The following FTCD variants were observed in gnomAD, a reference collection of about 807,000 sequenced individuals.
FTCD encodes formimidoyltransferase-cyclodeaminase.
FTCD carries 76 observed loss-of-function variants against 62.9 expected under a neutral mutation model. That is an observed-to-expected ratio of 1.21 (90% confidence interval 1.00 to 1.46). The LOEUF is 1.46. FTCD is among the 40% of genes most tolerant of loss of function. The pLI, the probability that FTCD is intolerant of heterozygous loss-of-function variation, is 0.00. For missense variants in FTCD, 845 were observed against 751.3 expected, an observed-to-expected ratio of 1.12 and a Z score of -1.46; for synonymous variants, 397 against 336.9, an observed-to-expected ratio of 1.18 and a Z score of -1.95.
At position 46,151,601 on chromosome 21, in the gene FTCD, C is replaced by T. The variant is rs142358848; in HGVS notation, c.593G>A (p.Arg198His). Residue 198 changes from arginine (R) to histidine (H), a missense_variant, in exon 5 of 14, where the codon CGC (arginine) becomes CAC (histidine). Coordinates refer to ENST00000397746, the MANE Select transcript of FTCD (RefSeq NM_206965.2). Reference protein sequence around the residue: ...NLLGTKEQAHRIALNLREQGR... With the variant: ...NLLGTKEQAHHIALNLREQGR... ...CTGCTCCCGCAGGTTGAGCGCGATGCGGTGGGCTTGCTCCTTTGTGCCGAG... is the reference window on the plus strand; with the variant it reads ...CTGCTCCCGCAGGTTGAGCGCGATGTGGTGGGCTTGCTCCTTTGTGCCGAG... 129 of 1,613,006 alleles carry T rather than the reference C, an allele frequency of 8.0e-5. No homozygotes were observed. Among genetic ancestry groups the T allele is most frequent in the East Asian group, 3.1e-4 (14 of 44,878 alleles).
At chr21:46,137,778 G>A (rs113906941) in intron 12 of FTCD, among the ~76,000 whole-genome samples, 43 of 152,170 alleles carry the variant, frequency 2.8e-4, no homozygotes, top group African/African-American at 1.0e-3. Flanking sequence ...GAGGTCTTAG[G>A]GCAGCTGCAG....
rs537548094 is a variant in FTCD at position 46,140,960 on chromosome 21, A to G, written c.1261-2037T>C. 1.1e-4 allele frequency among the ~76,000 whole-genome samples: 15 copies of G among 142,820 alleles called. No individual in the cohort carries two copies. In the South Asian group the frequency reaches 3.4e-3, roughly 32 times the overall value. The allele number at this position is 142,820 out of a possible 152,430, so 93.7% of individuals were successfully genotyped here. On this transcript the variant is annotated intron_variant, in intron 10 of 13. Transcript: ENST00000397746. ...ACAGGGAGCGTAAACCAATCCACTG[A>G]TTTCGACCACTGATGCCTAGCACAG... is the stretch of plus-strand genomic sequence containing the variant.
intron 12 of FTCD, among the ~76,000 whole-genome samples, chr21:46,137,846 GCC>G (rs869203098): frequency 1.3e-4 from 13 of 102,032 alleles, no homozygotes; most frequent in East Asian, 5.5e-4. Flanking sequence ...CCCAGCTGTG[GCC>G]CCTGTCAGTG....
chr21:46,146,188 A>G, intron 8 of FTCD, 78 bp downstream of exon 8: 1 of 1,044,548 alleles, frequency 9.6e-7, no homozygotes, highest in Non-Finnish European at 1.5e-6. Flanking sequence ...GTCTCCACGC[A>G]GGGACCCCAG....
chr21:46,141,384 G>A (rs1006212068), intron 10 of FTCD, among the ~76,000 whole-genome samples: 3 of 151,886 alleles, frequency 2.0e-5, no homozygotes, highest in Non-Finnish European at 2.9e-5. Context: ...TGAGCTCAAG[G>A]GATTTGCCCA....
intron 12 of FTCD, among the ~76,000 whole-genome samples, 177 bp downstream of exon 12, chr21:46,138,331 G>C (rs1237808926): frequency 6.6e-6 from 1 of 152,324 alleles, no homozygotes; most frequent in Non-Finnish European, 1.5e-5. Flanking sequence ...CGAGATCTTA[G>C]AAGGCAGCGG....
chr21:46,151,949 G>C lies in FTCD; in HGVS notation c.399C>G (p.Asp133Glu), dbSNP rs751645254. ...GGATGGCCGGCAGGGTCCGGCGACT[G>C]TCCATCCTGGCTGCCTCGCCGTACA... The part of the protein sequence containing the change: ...VYLYGEAARM[D>E]SRRTLPAIRA... The change falls in exon 4 of 14, where the codon GAC becomes GAG. Residue 133 changes from aspartate (D) to glutamate (E), a missense_variant. Coordinates refer to ENST00000397746, the MANE Select transcript of FTCD (RefSeq NM_206965.2). The C allele has an allele frequency of 2.5e-6, 4 of 1,571,456 alleles. No individual in the cohort carries two copies. The South Asian group carries it at 4.7e-5, about 18-fold the overall frequency.
chr21:46,145,510 C>G lies in FTCD; in HGVS notation c.1167G>C (p.Thr389=). ...YGRRQFQSLD[T]TMRRLIPPFR... ...AGGGCGGGATCAGGCGCCGCATCGT[C>G]GTGTCCAGGGACTGGAATTGGCGCC... Residue 389 remains threonine, a synonymous_variant, in exon 10 of 14, where the codon ACG becomes ACC. Transcript: ENST00000397746. 6.4e-7 allele frequency: 1 copy of G among 1,551,284 alleles called. No individual in the cohort carries two copies. Among genetic ancestry groups the G allele is most frequent in the Non-Finnish European group, 8.7e-7 (1 of 1,147,800 alleles).
intron 7 of FTCD, 36 bp downstream of exon 7, chr21:46,150,083 G>A (rs1568978527): frequency 6.2e-6 from 5 of 802,582 alleles, no homozygotes; most frequent in South Asian, 1.3e-5. Context: ...CTCCCTGCAC[G>A]CCCCTGTCCG....
At chr21:46,140,535 G>C (rs58669432) in intron 10 of FTCD, among the ~76,000 whole-genome samples, 2,946 of 100,278 alleles carry the variant, frequency 0.029, 56 homozygotes, top group Middle Eastern at 0.076. Flanking sequence ...GCATTGCTCA[G>C]AGGGAGTGTA....
At chr21:46,141,010 T>C (rs534734522) in intron 10 of FTCD, among the ~76,000 whole-genome samples, 3 of 152,394 alleles carry the variant, frequency 2.0e-5, no homozygotes, top group African/African-American at 7.2e-5. Context: ...CTCATGGTTC[T>C]CTAAACCACA....
At chr21:46,139,376 G>A (rs1435867374) in intron 10 of FTCD, among the ~76,000 whole-genome samples, 1 of 152,184 alleles carries the variant, frequency 6.6e-6, no homozygotes, top group Non-Finnish European at 1.5e-5. Context: ...CCGGTCACAG[G>A]CACTGGCCTT....
intron 8 of FTCD, 136 bp from the exon 9 acceptor site, chr21:46,146,083 C>T (rs962829330): frequency 4.2e-6 from 3 of 713,020 alleles, no homozygotes; most frequent in African/African-American, 3.6e-5. Flanking sequence ...TGCGGGGACC[C>T]GGCCGGGGTC....
intron 2 of FTCD, 102 bp from the exon 3 acceptor site, chr21:46,153,137 C>A: frequency 8.1e-7 from 1 of 1,239,050 alleles, no homozygotes; most frequent in Non-Finnish European, 1.1e-6. Flanking sequence ...TGGGCAGCCC[C>A]CAGTCCACAC....
intron 8 of FTCD, 100 bp downstream of exon 8, chr21:46,146,166 G>C: frequency 1.1e-6 from 1 of 892,382 alleles, no homozygotes; most frequent in Non-Finnish European, 1.8e-6. Context: ...GGCGCTGGGA[G>C]GACTCAGCCG....
chr21:46,150,846 C>T (rs2123559478), intron 5 of FTCD, among the ~76,000 whole-genome samples: 1 of 152,380 alleles, frequency 6.6e-6, no homozygotes, highest in South Asian at 2.1e-4. Context: ...CAGGCACCCC[C>T]ATGCCGTTCT....
intron 5 of FTCD, among the ~76,000 whole-genome samples, chr21:46,151,135 G>A (rs991537427): frequency 1.3e-5 from 2 of 152,188 alleles, no homozygotes; most frequent in African/African-American, 2.4e-5. Flanking sequence ...CAGACCGGGT[G>A]ACCACTGCTG....
Position 46,146,236 on chromosome 21 carries a change from TGAG to T in FTCD, c.968+27_968+29del, listed in dbSNP as rs907173603. On this transcript the variant is annotated intron_variant, in intron 8 of 13. Coordinates refer to ENST00000397746, the MANE Select transcript of FTCD (RefSeq NM_206965.2). Reference sequence around the variant, plus strand: ...CCCGAGAGGCAGAGCCCGGGAGGGGTGAGAAGAGGGCGGGAGGGCAGAGGCTCA... The same window carrying T: ...CCCGAGAGGCAGAGCCCGGGAGGGGTAAGAGGGCGGGAGGGCAGAGGCTCA... 8.6e-6 allele frequency: 13 copies of T among 1,512,068 alleles called. No individual in the cohort carries two copies. The African/African-American group carries it at 1.7e-4, about 19-fold the overall frequency. The allele number at this position is 1,512,068 out of a possible 1,614,324, so 93.7% of individuals were successfully genotyped here.
rs776438023 is a variant in FTCD at position 46,155,562 on chromosome 21, T to G, written c.-39A>C. On this transcript the variant is annotated 5_prime_UTR_variant, in exon 1 of 14. Coordinates refer to ENST00000397746, the MANE Select transcript of FTCD (RefSeq NM_206965.2). ...ATCCAGATGCTCCTCTCTGGGCAGA[T>G]GGAAGGACAGGGCCAGTGCTCCGCA... 1 of 1,586,904 alleles carries G rather than the reference T, an allele frequency of 6.3e-7. No homozygotes were observed. The highest frequency in any genetic ancestry group is 2.2e-5 in the East Asian group (1 of 44,738).
Sources: allele counts gnomAD v4.1 joint callset (sites outside exome capture counted in the v4.1 genomes callset), GRCh38; gene constraint gnomAD v4.1.1; transcripts MANE v1.5; gene names NCBI Gene and HGNC (gene_info 2026-07-23, HGNC 2026-07-21).